The following SH3PXD2B variants were observed in gnomAD, a reference collection of about 807,000 sequenced individuals.
SH3PXD2B encodes the protein SH3 and PX domain-containing protein 2B.
In SH3PXD2B, 37 loss-of-function variants were observed where a neutral mutation model predicts 73.1. The observed-to-expected ratio is 0.51, with a 90% CI of 0.39 to 0.67. The LOEUF (loss-of-function observed/expected upper bound fraction) is 0.67, where lower values mean the gene tolerates loss of function less well. SH3PXD2B is among the 30% of genes least tolerant of loss of function. The pLI, the probability that SH3PXD2B is intolerant of heterozygous loss-of-function variation, is 0.00. For missense variants in SH3PXD2B, 1,053 were observed against 1,197.8 expected, an observed-to-expected ratio of 0.88 and a Z score of 1.78; for synonymous variants, 457 against 480.5, an observed-to-expected ratio of 0.95 and a Z score of 0.64.
rs992555322 is a variant in SH3PXD2B at position 172,414,195 on chromosome 5, G to A, written c.157-7843C>T. On this transcript the variant is annotated intron_variant, in intron 2 of 12. Coordinates refer to ENST00000311601, the MANE Select transcript of SH3PXD2B (RefSeq NM_001017995.3). The stretch of plus-strand genomic sequence containing the variant: ...AGAAGGAGACAGGTCAAGGCCGGGC[G>A]CAGTGGCTCACGCCTGTAATCCCAG... Among the ~76,000 whole-genome samples, 6 of 152,204 alleles carry A rather than the reference G, an allele frequency of 3.9e-5. No homozygotes were observed. The South Asian group carries it at 6.2e-4, about 16-fold the overall frequency.
chr5:172,447,944 A>C (rs1228077489), intron 1 of SH3PXD2B, among the ~76,000 whole-genome samples: 1 of 152,226 alleles, frequency 6.6e-6, no homozygotes. Context: ...AGAGCATCCC[A>C]GATCAACACA....
intron 1 of SH3PXD2B, among the ~76,000 whole-genome samples, chr5:172,439,295 C>CAAAAAAA (rs946794676): frequency 7.9e-6 from 1 of 126,216 alleles, no homozygotes; most frequent in Non-Finnish European, 1.6e-5. Flanking sequence ...AAAAAAACCC[C>CAAAAAAA]AAAAAAAAAC....
At chr5:172,414,194 C>A (rs565686055) in intron 2 of SH3PXD2B, among the ~76,000 whole-genome samples, 1 of 152,166 alleles carries the variant, frequency 6.6e-6, no homozygotes, top group South Asian at 2.1e-4. Context: ...CAAGGCCGGG[C>A]GCAGTGGCTC....
At chr5:172,422,377 T>A in intron 2 of SH3PXD2B, 39 bp downstream of exon 2, 1 of 1,548,958 alleles carries the variant, frequency 6.5e-7, no homozygotes. Flanking sequence ...ATTAAACTCT[T>A]TCCGATCCTG....
chr5:172,348,638 GTAT>G (rs1757055209), intron 10 of SH3PXD2B, among the ~76,000 whole-genome samples: 1 of 72,516 alleles, frequency 1.4e-5, no homozygotes, highest in Non-Finnish European at 2.9e-5. Context: ...ATCTATCTAT[GTAT>G]CTATCTATCT....
At chr5:172,380,800 GCTCA>G (rs1387780951) in intron 5 of SH3PXD2B, among the ~76,000 whole-genome samples, 3 of 152,164 alleles carry the variant, frequency 2.0e-5, no homozygotes, top group Admixed American at 1.3e-4. Flanking sequence ...ACTTCTGTGC[GCTCA>G]CTATGAGAAG....
At chr5:172,419,628 G>A (rs529673406) in intron 2 of SH3PXD2B, among the ~76,000 whole-genome samples, 4 of 152,278 alleles carry the variant, frequency 2.6e-5, no homozygotes, top group Admixed American at 6.5e-5. Context: ...CAGATGGCCC[G>A]GGAGCTGCCA....
chr5:172,369,741 T>C (rs540609106), intron 6 of SH3PXD2B, among the ~76,000 whole-genome samples: 1 of 152,066 alleles, frequency 6.6e-6, no homozygotes, highest in African/African-American at 2.4e-5. Flanking sequence ...GAACTCCAGC[T>C]TGGGCAACAG....
chr5:172,429,538 A>G (rs1482421015), intron 1 of SH3PXD2B, among the ~76,000 whole-genome samples: 1 of 152,178 alleles, frequency 6.6e-6, no homozygotes, highest in Non-Finnish European at 1.5e-5. Flanking sequence ...ACCTGATTGC[A>G]AACCCAGTTT....
At chr5:172,436,542 C>A (rs970707738) in intron 1 of SH3PXD2B, among the ~76,000 whole-genome samples, 1 of 152,140 alleles carries the variant, frequency 6.6e-6, no homozygotes, top group African/African-American at 2.4e-5. Context: ...AGGGACTTGC[C>A]CAAGGTCCTG....
intron 3 of SH3PXD2B, among the ~76,000 whole-genome samples, chr5:172,399,153 T>C (rs1758373704): frequency 6.6e-6 from 1 of 152,246 alleles, no homozygotes; most frequent in Non-Finnish European, 1.5e-5. Context: ...CAAATTCACT[T>C]GGCTGATTTT....
chr5:172,427,131 G>C (rs893991166), intron 1 of SH3PXD2B, among the ~76,000 whole-genome samples: 5 of 152,150 alleles, frequency 3.3e-5, no homozygotes, highest in African/African-American at 7.2e-5. Flanking sequence ...AAGAAAATGT[G>C]GTTTAGACAT....
intron 1 of SH3PXD2B, among the ~76,000 whole-genome samples, chr5:172,433,239 A>G (rs1052650072): frequency 6.6e-6 from 1 of 152,174 alleles, no homozygotes; most frequent in Non-Finnish European, 1.5e-5. Context: ...CTAGGTGTGT[A>G]GTAGACTATA....
intron 12 of SH3PXD2B, 88 bp downstream of exon 12, chr5:172,346,048 G>A: frequency 6.3e-7 from 1 of 1,598,612 alleles, no homozygotes; most frequent in Non-Finnish European, 8.6e-7. Flanking sequence ...CACCCACCCA[G>A]TGAAGTAGGA....
intron 2 of SH3PXD2B, among the ~76,000 whole-genome samples, chr5:172,410,357 C>T (rs889391221): frequency 6.6e-6 from 1 of 152,124 alleles, no homozygotes; most frequent in African/African-American, 2.4e-5. Flanking sequence ...TGTTCTGTTG[C>T]CTGGTGAGGT....
chr5:172,342,653 C>T (rs578116871), intron 12 of SH3PXD2B, among the ~76,000 whole-genome samples: 8 of 151,944 alleles, frequency 5.3e-5, no homozygotes, highest in Non-Finnish European at 1.0e-4. Flanking sequence ...CCCAGCTACG[C>T]GGGAGGCTGA....
At chr5:172,372,809 C>A (rs1757735394) in intron 6 of SH3PXD2B, among the ~76,000 whole-genome samples, 1 of 152,158 alleles carries the variant, frequency 6.6e-6, no homozygotes, top group African/African-American at 2.4e-5. Context: ...CCTCATCAAC[C>A]CCTTCAAACC....
At chr5:172,419,345 C>G (rs977231414) in intron 2 of SH3PXD2B, among the ~76,000 whole-genome samples, 3 of 151,664 alleles carry the variant, frequency 2.0e-5, no homozygotes, top group Non-Finnish European at 2.9e-5. Context: ...CTCATTAAAT[C>G]TCTTCCAGAT....
intron 6 of SH3PXD2B, among the ~76,000 whole-genome samples, chr5:172,368,906 A>ATATATT (rs1554137112): frequency 4.4e-5 from 6 of 136,858 alleles, no homozygotes; most frequent in African/African-American, 1.4e-4. Flanking sequence ...ATATATATAT[A>ATATATT]TTTTTGAGAC....
Sources: gnomAD v4.1 joint callset for allele counts (sites outside exome capture counted in the v4.1 genomes callset) on GRCh38, gnomAD v4.1.1 for gene constraint, MANE v1.5 for transcripts, NCBI Gene and HGNC (gene_info 2026-07-23, HGNC 2026-07-21) for gene names.